KCNN2: variants seen among roughly 807,000 people sequenced by gnomAD.
KCNN2 encodes small conductance calcium-activated potassium channel protein 2.
KCNN2 carries 24 observed loss-of-function variants against 55.5 expected under a neutral mutation model. The observed-to-expected ratio is 0.43, with a 90% CI of 0.31 to 0.61. The LOEUF is 0.61. Among genes scored for constraint, KCNN2 ranks in the 20% least tolerant of loss-of-function variants. KCNN2 has a pLI of 0.08. For missense variants in KCNN2, 754 were observed against 853.6 expected (o/e 0.88, Z 1.45); for synonymous variants, 431 against 336.1 (o/e 1.28, Z -3.09).
chr5:114,153,073 C>T (rs1451672210), intron 1 of KCNN2, among the ~76,000 whole-genome samples: 3 of 152,124 alleles, frequency 2.0e-5, no homozygotes, highest in South Asian at 2.1e-4. Flanking sequence ...GACTAAAACA[C>T]GTGTTGGCAG....
intron 2 of KCNN2, among the ~76,000 whole-genome samples, chr5:114,386,045 G>A (rs1758272788): frequency 1.3e-5 from 2 of 151,842 alleles, no homozygotes; most frequent in African/African-American, 2.4e-5. Flanking sequence ...AGCCGGGCAT[G>A]GTGGCAGGCA....
At chr5:114,382,737 C>CA (rs1439292386) in intron 2 of KCNN2, among the ~76,000 whole-genome samples, 2 of 152,058 alleles carry the variant, frequency 1.3e-5, no homozygotes, top group African/African-American at 4.8e-5. Flanking sequence ...AACTTTCTAC[C>CA]AAAAAACAAA....
intron 5 of KCNN2, among the ~76,000 whole-genome samples, chr5:114,475,676 C>A (rs375889185): frequency 6.6e-6 from 1 of 152,186 alleles, no homozygotes; most frequent in African/African-American, 2.4e-5. Flanking sequence ...CAGACGAAAT[C>A]TCAGATGCTT....
intron 3 of KCNN2, among the ~76,000 whole-genome samples, chr5:114,460,555 T>A (rs1975851): frequency 0.81 from 122,536 of 152,084 alleles, 49,655 homozygotes; most frequent in East Asian, 0.92. Flanking sequence ...GCCTAGCTAG[T>A]TATTAATAAT....
At chr5:114,218,615 G>A (rs1299355010) in intron 1 of KCNN2, among the ~76,000 whole-genome samples, 3 of 152,142 alleles carry the variant, frequency 2.0e-5, no homozygotes, top group Non-Finnish European at 4.4e-5. Context: ...AGAGCACAGG[G>A]GATTTTCAGG....
chr5:114,129,993 T>G (rs930649704), intron 1 of KCNN2, among the ~76,000 whole-genome samples: 2 of 152,180 alleles, frequency 1.3e-5, no homozygotes, highest in African/African-American at 4.8e-5. Context: ...TCTAACCTCA[T>G]TCATTCTGGC....
intron 1 of KCNN2, among the ~76,000 whole-genome samples, chr5:114,088,840 C>T (rs947538141): frequency 5.9e-5 from 9 of 152,074 alleles, no homozygotes; most frequent in South Asian, 2.1e-4. Context: ...AGACTGGTCT[C>T]GAACTCCTGA....
chr5:114,353,196 G>A (rs201311496), intron 2 of KCNN2, among the ~76,000 whole-genome samples: 1 of 151,116 alleles, frequency 6.6e-6, no homozygotes, highest in Non-Finnish European at 1.5e-5. Context: ...CTGTACTAAT[G>A]TAGCCACTCC....
chr5:114,154,315 C>G (rs1752585721), intron 1 of KCNN2, among the ~76,000 whole-genome samples: 1 of 152,038 alleles, frequency 6.6e-6, no homozygotes, highest in Non-Finnish European at 1.5e-5. Context: ...TTAGTGAGCA[C>G]AAAAATTTTG....
chr5:114,301,619 C>T (rs1312331298), intron 2 of KCNN2, among the ~76,000 whole-genome samples: 1 of 152,132 alleles, frequency 6.6e-6, no homozygotes, highest in African/African-American at 2.4e-5. Context: ...GCTCGGGGAA[C>T]AAGCCAGCGT....
At chr5:114,112,306 C>T (rs1387521525) in intron 1 of KCNN2, among the ~76,000 whole-genome samples, 1 of 151,906 alleles carries the variant, frequency 6.6e-6, no homozygotes, top group Non-Finnish European at 1.5e-5. Flanking sequence ...GGGTGGGGAA[C>T]ATCACAGACT....
At chr5:114,370,667 C>G (rs1757736779) in intron 2 of KCNN2, among the ~76,000 whole-genome samples, 2 of 151,850 alleles carry the variant, frequency 1.3e-5, no homozygotes, top group Admixed American at 6.6e-5. Context: ...GGCCTTATGA[C>G]CAGGAATTTA....
chr5:114,407,210 T>A (rs1365417966), intron 3 of KCNN2, among the ~76,000 whole-genome samples: 1 of 152,128 alleles, frequency 6.6e-6, no homozygotes, highest in Non-Finnish European at 1.5e-5. Flanking sequence ...TTTTTCTGAA[T>A]TCTTTAATGA....
chr5:114,194,739 A>T (rs189579915), intron 1 of KCNN2, among the ~76,000 whole-genome samples: 34 of 152,126 alleles, frequency 2.2e-4, no homozygotes, highest in African/African-American at 7.9e-4. Flanking sequence ...TTAGTGTCAC[A>T]TCTAAGAAAT....
At chr5:114,298,572 G>C (rs1039309992) in intron 2 of KCNN2, among the ~76,000 whole-genome samples, 3 of 152,046 alleles carry the variant, frequency 2.0e-5, no homozygotes. Flanking sequence ...AAAAAAACAG[G>C]ATCCAAAATT....
chr5:114,473,839 TAAATGTGGAAACTAAGACACAAA>T (rs1432190919), intron 5 of KCNN2, among the ~76,000 whole-genome samples: 2 of 152,206 alleles, frequency 1.3e-5, no homozygotes, highest in African/African-American at 2.4e-5. Flanking sequence ...GGCCATTTTA[TAAATGTGGAAACTAAGACACAAA>T]GGGGTTAGGT....
chr5:114,478,567 C>G (rs116150683), intron 5 of KCNN2, among the ~76,000 whole-genome samples: 4,499 of 151,954 alleles, frequency 0.03, 123 homozygotes, highest in African/African-American at 0.065. Flanking sequence ...AGGTACTCCA[C>G]AAGAAGGTCA....
In KCNN2 at chr5:114,100,319, C is replaced by A. The variant is rs550392108; in HGVS notation, c.-271+43819C>A. Among the ~76,000 whole-genome samples, 16 of 152,062 alleles carry A rather than the reference C, an allele frequency of 1.1e-4. No homozygotes were observed. The South Asian group carries it at 2.9e-3, about 28-fold the overall frequency. ...ATAGATGGAGCTCTAGCTTTCTTCC[C>A]TTAGTGGAATATATTTTAAAAGTAA... On this transcript the variant is annotated intron_variant, in intron 1 of 10. Coordinates refer to the KCNN2 transcript ENST00000512097.
chr5:114,492,030 T>G (rs1468908579), intron 6 of KCNN2, among the ~76,000 whole-genome samples: 1 of 152,174 alleles, frequency 6.6e-6, no homozygotes, highest in East Asian at 1.9e-4. Flanking sequence ...AGGAGCCAAT[T>G]AACTTCGTTC....
Sources: allele counts gnomAD v4.1 joint callset (sites outside exome capture counted in the v4.1 genomes callset), GRCh38; gene constraint gnomAD v4.1.1; transcripts MANE v1.5; gene names NCBI Gene and HGNC (gene_info 2026-07-23, HGNC 2026-07-21).